Variants in ARHGAP32 observed in about 807,000 individuals in gnomAD.
The protein encoded by ARHGAP32 is rho GTPase-activating protein 32.
ARHGAP32 carries 51 observed loss-of-function variants against 186.5 expected under a neutral mutation model. The ratio of observed to expected loss-of-function variants is 0.27; its 90% CI spans 0.22 to 0.35. The LOEUF (loss-of-function observed/expected upper bound fraction) is 0.35, where lower values mean the gene tolerates loss of function less well. ARHGAP32 is among the 10% of genes least tolerant of loss of function. The pLI is 1.00. For synonymous variants in ARHGAP32, 950 were observed against 964.3 expected (o/e 0.99, Z 0.27); for missense variants, 2,186 against 2,623.5 (o/e 0.83, Z 3.64).
At position 129,271,408 on chromosome 11, in the gene ARHGAP32, C is replaced by A. The variant is rs1591390016; in HGVS notation, c.-5+7738G>T. The stretch of plus-strand genomic sequence containing the variant: ...AGGAAGAATCCGGGGTTCTGGCCTG[C>A]GCAAGTGGTGGATGATGATGCCACT... On this transcript the variant is annotated intron_variant, in intron 1 of 6. Transcript: ENST00000525234. 2.0e-5 allele frequency among the ~76,000 whole-genome samples: 3 copies of A among 152,104 alleles called. No homozygotes were observed. In the Middle Eastern group the frequency reaches 0.01, roughly 517 times the overall value.
chr11:129,057,006 C>A (rs1482219883), intron 10 of ARHGAP32, among the ~76,000 whole-genome samples: 1 of 152,144 alleles, frequency 6.6e-6, no homozygotes, highest in Non-Finnish European at 1.5e-5. Context: ...GAAGACACTG[C>A]CACCTCTGTG....
intron 18 of ARHGAP32, among the ~76,000 whole-genome samples, chr11:128,980,249 C>G (rs1293353848): frequency 6.6e-6 from 1 of 152,204 alleles, no homozygotes; most frequent in Non-Finnish European, 1.5e-5. Flanking sequence ...TTATAAACAA[C>G]ATAGTTCAGA....
intron 15 of ARHGAP32, among the ~76,000 whole-genome samples, chr11:128,984,526 T>C (rs1267272420): frequency 1.3e-5 from 2 of 152,170 alleles, no homozygotes; most frequent in East Asian, 3.8e-4. Context: ...TTCAGAAATG[T>C]TAATGTTAAA....
At chr11:129,167,182 CTT>C (rs1318364527) in intron 1 of ARHGAP32, among the ~76,000 whole-genome samples, 1 of 152,070 alleles carries the variant, frequency 6.6e-6, no homozygotes, top group African/African-American at 2.4e-5. Context: ...AAATGGTAAA[CTT>C]AAATTCAAGC....
intron 10 of ARHGAP32, among the ~76,000 whole-genome samples, chr11:129,047,793 T>G (rs146853148): frequency 5.3e-5 from 8 of 152,292 alleles, no homozygotes; most frequent in African/African-American, 1.9e-4. Flanking sequence ...CCCAGCACAG[T>G]TGATCAAATA....
At chr11:129,207,557 A>G (rs535049314) in intron 1 of ARHGAP32, among the ~76,000 whole-genome samples, 11 of 151,112 alleles carry the variant, frequency 7.3e-5, no homozygotes, top group African/African-American at 2.4e-4. Context: ...GTGTCTGTTC[A>G]TATCCTTTGG....
chr11:129,151,724 C>G (rs1302836536), intron 2 of ARHGAP32, among the ~76,000 whole-genome samples: 2 of 151,880 alleles, frequency 1.3e-5, no homozygotes, highest in Non-Finnish European at 2.9e-5. Context: ...AAAAACGGTG[C>G]AAAGAGAAAA....
chr11:129,083,123 G>A (rs1433749282), intron 6 of ARHGAP32, among the ~76,000 whole-genome samples: 1 of 151,982 alleles, frequency 6.6e-6, no homozygotes, highest in Non-Finnish European at 1.5e-5. Context: ...GTGGTAAAAA[G>A]GGAAAACTGG....
chr11:129,240,306 G>T lies in ARHGAP32; in HGVS notation c.-5+38840C>A, dbSNP rs1195884520. Among the ~76,000 whole-genome samples, 4 of 151,918 alleles carry T rather than the reference G, an allele frequency of 2.6e-5. No individual in the cohort carries two copies. The East Asian group carries it at 7.7e-4, about 29-fold the overall frequency. The stretch of plus-strand genomic sequence containing the variant: ...CCAATTCCATTTCTAGCACTTACTA[G>T]CTATATGACCTTGGGGAAAAAAAAA... On this transcript the variant is annotated intron_variant, in intron 1 of 6. Transcript: ENST00000525234.
intron 5 of ARHGAP32, 45 bp from the exon 6 acceptor site, chr11:129,093,752 T>C: frequency 7.3e-7 from 1 of 1,365,130 alleles, no homozygotes; most frequent in Non-Finnish European, 1.0e-6. Context: ...AAGTCATGAT[T>C]AGTAAACGAG....
At chr11:129,186,951 T>C (rs1944174300) in intron 1 of ARHGAP32, among the ~76,000 whole-genome samples, 2 of 152,170 alleles carry the variant, frequency 1.3e-5, no homozygotes, top group African/African-American at 4.8e-5. Flanking sequence ...AAGAAAAGTT[T>C]GGAAGTTCCT....
intron 10 of ARHGAP32, among the ~76,000 whole-genome samples, chr11:129,045,574 C>T (rs631359): frequency 0.64 from 97,248 of 152,032 alleles, 31,443 homozygotes; most frequent in Middle Eastern, 0.71. Flanking sequence ...TTAATGAACA[C>T]TTATACTTTT....
chr11:129,030,550 C>T (rs571214230), intron 11 of ARHGAP32: 1 of 151,820 alleles, frequency 6.6e-6, no homozygotes, highest in African/African-American at 2.4e-5. Flanking sequence ...TGTCTTCTCA[C>T]ACATGCACTT....
At chr11:129,074,415 C>T (rs766390683) in intron 6 of ARHGAP32, among the ~76,000 whole-genome samples, 12 of 152,154 alleles carry the variant, frequency 7.9e-5, no homozygotes, top group East Asian at 1.9e-4. Flanking sequence ...CAATCCATGA[C>T]GCAGTATAAT....
At chr11:129,033,363 C>T (rs1939192394) in intron 11 of ARHGAP32, among the ~76,000 whole-genome samples, 1 of 152,168 alleles carries the variant, frequency 6.6e-6, no homozygotes, top group African/African-American at 2.4e-5. Context: ...TTAATACTCC[C>T]ATCATCAGCA....
intron 2 of ARHGAP32, among the ~76,000 whole-genome samples, chr11:129,140,814 A>C (rs1333377551): frequency 6.6e-6 from 1 of 152,196 alleles, no homozygotes; most frequent in South Asian, 2.1e-4. Context: ...TTAAGTGTGA[A>C]GTCTACAATC....
At chr11:129,264,683 A>G (rs934119908) in intron 1 of ARHGAP32, among the ~76,000 whole-genome samples, 4 of 152,192 alleles carry the variant, frequency 2.6e-5, no homozygotes, top group Non-Finnish European at 4.4e-5. Context: ...GGTTCTTGAT[A>G]GTTTAGAATG....
chr11:129,270,495 CTTTT>C (rs1022801857), intron 1 of ARHGAP32, among the ~76,000 whole-genome samples: 1 of 145,844 alleles, frequency 6.9e-6, no homozygotes, highest in Non-Finnish European at 1.5e-5. Context: ...AAGAGTCAGT[CTTTT>C]TTTTTTTTCT....
chr11:129,262,047 A>G (rs1308232044), intron 1 of ARHGAP32, among the ~76,000 whole-genome samples: 1 of 152,174 alleles, frequency 6.6e-6, no homozygotes, highest in Non-Finnish European at 1.5e-5. Flanking sequence ...AAAACACACA[A>G]ATTAAGAGAA....
Sources: gnomAD v4.1 joint callset for allele counts (sites outside exome capture counted in the v4.1 genomes callset) on GRCh38, gnomAD v4.1.1 for gene constraint, MANE v1.5 for transcripts, NCBI Gene and HGNC (gene_info 2026-07-23, HGNC 2026-07-21) for gene names.